The following ITPRID1 variants were observed in gnomAD, a reference collection of about 807,000 sequenced individuals.
The protein encoded by ITPRID1 is protein ITPRID1.
A neutral mutation model predicts 95.4 loss-of-function variants in ITPRID1; 96 were observed. That is an observed-to-expected ratio of 1.01 (90% CI 0.85 to 1.19). The LOEUF (loss-of-function observed/expected upper bound fraction) is 1.19. Among genes scored for constraint, ITPRID1 ranks in the 50% most tolerant of loss-of-function variants. The pLI, the probability that ITPRID1 is intolerant of heterozygous loss-of-function variation, is 0.00. For synonymous variants in ITPRID1, 510 were observed against 453.6 expected, an observed-to-expected ratio of 1.12 and a Z score of -1.58; for missense variants, 1,339 against 1,252.9, an observed-to-expected ratio of 1.07 and a Z score of -1.04.
chr7:31,547,117 T>A (rs1054601265), intron 1 of ITPRID1, among the ~76,000 whole-genome samples: 1 of 139,210 alleles, frequency 7.2e-6, no homozygotes, highest in Admixed American at 7.7e-5. Flanking sequence ...ACCAGCATAC[T>A]GACTCAAGTG....
At chr7:31,555,637 A>G (rs1286383209) in intron 5 of ITPRID1, among the ~76,000 whole-genome samples, 2 of 152,184 alleles carry the variant, frequency 1.3e-5, no homozygotes, top group Non-Finnish European at 2.9e-5. Flanking sequence ...GTGAAAAAGT[A>G]TGTTTCAAAA....
At chr7:31,589,690 G>A (rs1160812238) in intron 10 of ITPRID1, among the ~76,000 whole-genome samples, 3 of 152,116 alleles carry the variant, frequency 2.0e-5, no homozygotes, top group African/African-American at 4.8e-5. Context: ...CAGTAACTAT[G>A]AGCCAGAAAT....
intron 1 of ITPRID1, among the ~76,000 whole-genome samples, chr7:31,542,539 G>A (rs1484764833): frequency 6.6e-6 from 1 of 152,072 alleles, no homozygotes; most frequent in African/African-American, 2.4e-5. Flanking sequence ...TCAAAGAACT[G>A]TTATTCTTTC....
chr7:31,564,020 C>T (rs1169861037), intron 5 of ITPRID1, among the ~76,000 whole-genome samples: 1 of 152,098 alleles, frequency 6.6e-6, no homozygotes, highest in African/African-American at 2.4e-5. Flanking sequence ...TTTTAGAGCC[C>T]TGCGAAAATG....
chr7:31,625,635 G>C (rs967478894), intron 10 of ITPRID1, among the ~76,000 whole-genome samples: 1 of 152,064 alleles, frequency 6.6e-6, no homozygotes, highest in African/African-American at 2.4e-5. Flanking sequence ...GGTGGGAGGA[G>C]GGGGGAGGGA....
At chr7:31,532,959 A>G (rs1783646982) in intron 1 of ITPRID1, among the ~76,000 whole-genome samples, 2 of 152,208 alleles carry the variant, frequency 1.3e-5, no homozygotes. Context: ...GTTTATTAAG[A>G]ATACTGGTCT....
rs771491921 is a variant in ITPRID1, at chr7:31,643,899, G to T, written c.2529G>T (p.Gln843His). The change falls in exon 12 of 15, where the codon CAG (glutamine) becomes CAT (histidine). Residue 843 changes from glutamine to histidine, a missense_variant. Gln to His is a conservative substitution (Grantham distance 24). Coordinates refer to ENST00000615280, the MANE Select transcript of ITPRID1 (RefSeq NM_001257967.3). ...CACTAACTGGTCACCAGGAAGCCCA[G>T]TTCATGACGACTTTGAAAGCCCTTC... is the stretch of plus-strand genomic sequence containing the variant. ...LCSLTGHQEA[Q>H]FMTTLKALQD... 22 of 1,613,754 alleles carry T rather than the reference G, an allele frequency of 1.4e-5. No individual in the cohort carries two copies. The highest frequency in any genetic ancestry group is 1.9e-5 in the Non-Finnish European group (22 of 1,179,896).
intron 1 of ITPRID1, among the ~76,000 whole-genome samples, chr7:31,521,737 T>G (rs1473434888): frequency 1.1e-4 from 13 of 118,024 alleles, no homozygotes. Context: ...TTTCTTTCTT[T>G]TGACACAGGG....
chr7:31,580,890 G>A (rs1785379513), intron 9 of ITPRID1, among the ~76,000 whole-genome samples: 1 of 152,110 alleles, frequency 6.6e-6, no homozygotes, highest in African/African-American at 2.4e-5. Context: ...GTAAGGCAGA[G>A]ATAGTCCTAA....
chr7:31,519,627 T>TATATATATATATATATATATATAC (rs1783174144), intron 1 of ITPRID1, among the ~76,000 whole-genome samples: 1 of 112,684 alleles, frequency 8.9e-6, no homozygotes, highest in Admixed American at 9.6e-5. Flanking sequence ...TCTCTATATA[T>TATATATATATATATATATATATAC]ATATATATAT....
At chr7:31,571,819 A>G (rs954304419) in intron 6 of ITPRID1, among the ~76,000 whole-genome samples, 3 of 152,174 alleles carry the variant, frequency 2.0e-5, no homozygotes, top group South Asian at 2.1e-4. Flanking sequence ...AGGTTCCCCA[A>G]TGATATGCCA....
chr7:31,541,045 C>T (rs949037642), intron 1 of ITPRID1, among the ~76,000 whole-genome samples: 16 of 152,164 alleles, frequency 1.1e-4, no homozygotes, highest in Non-Finnish European at 2.9e-5. Flanking sequence ...ATTGTCATAA[C>T]TTAAGAATAC....
chr7:31,574,909 T>G (rs568470686), intron 8 of ITPRID1, among the ~76,000 whole-genome samples, 167 bp downstream of exon 8: 2 of 152,044 alleles, frequency 1.3e-5, no homozygotes, highest in Non-Finnish European at 2.9e-5. Context: ...CCAGTGGGAG[T>G]TGGTGTGTAT....
chr7:31,577,043 C>G (rs1785209736), intron 8 of ITPRID1, among the ~76,000 whole-genome samples: 2 of 151,958 alleles, frequency 1.3e-5, no homozygotes, highest in South Asian at 4.1e-4. Context: ...GAGGCCAGAT[C>G]ATCCAGAAAG....
intron 2 of ITPRID1, among the ~76,000 whole-genome samples, chr7:31,550,127 T>C (rs574121880): frequency 1.3e-5 from 2 of 152,254 alleles, no homozygotes; most frequent in Admixed American, 1.3e-4. Flanking sequence ...CCTTTTTTTT[T>C]CCTTTTTCAA....
intron 1 of ITPRID1, among the ~76,000 whole-genome samples, chr7:31,536,522 T>C (rs2128131678): frequency 1.3e-5 from 2 of 152,294 alleles, no homozygotes; most frequent in South Asian, 4.2e-4. Flanking sequence ...CATCTCTCTT[T>C]CTGTTTCCTA....
At chr7:31,567,984 G>C (rs1784858196) in intron 5 of ITPRID1, among the ~76,000 whole-genome samples, 1 of 151,990 alleles carries the variant, frequency 6.6e-6, no homozygotes, top group South Asian at 2.1e-4. Context: ...AAACTAGACG[G>C]ACATGGTGGT....
At chr7:31,561,250 A>G (rs1784614175) in intron 5 of ITPRID1, among the ~76,000 whole-genome samples, 1 of 152,190 alleles carries the variant, frequency 6.6e-6, no homozygotes, top group African/African-American at 2.4e-5. Flanking sequence ...TGAAATAACA[A>G]CTGCAAGAAA....
At chr7:31,546,604 A>C (rs1784107244) in intron 1 of ITPRID1, among the ~76,000 whole-genome samples, 1 of 152,164 alleles carries the variant, frequency 6.6e-6, no homozygotes, top group Non-Finnish European at 1.5e-5. Flanking sequence ...ACTATTTCAT[A>C]ACCAGATTGG....
Sources: allele counts gnomAD v4.1 joint callset (sites outside exome capture counted in the v4.1 genomes callset), GRCh38; gene constraint gnomAD v4.1.1; transcripts MANE v1.5; gene names NCBI Gene and HGNC (gene_info 2026-07-23, HGNC 2026-07-21).